GPHN: variants seen among roughly 807,000 people sequenced by gnomAD.
GPHN encodes the protein gephyrin.
In GPHN, 17 loss-of-function variants were observed where a neutral mutation model predicts 95.5. That is an observed-to-expected ratio of 0.18 (90% confidence interval 0.12 to 0.27). The LOEUF (loss-of-function observed/expected upper bound fraction) is 0.27, where lower values mean the gene tolerates loss of function less well. Ranked by LOEUF, GPHN falls within the 10% of genes least tolerant of loss-of-function variation. The probability of loss-of-function intolerance (pLI) is 1.00; values close to 1 mark genes in which losing one functional copy is unlikely to be tolerated. For missense variants in GPHN, 660 were observed against 978.1 expected (o/e 0.67, Z 4.34); for synonymous variants, 320 against 322.5 (o/e 0.99, Z 0.08).
At chr14:67,631,612 T>G in the GPHN span, among the ~76,000 whole-genome samples, 1 of 151,976 alleles carries the variant, frequency 6.6e-6, no homozygotes, top group African/African-American at 2.4e-5. Context: ...CTTATTTATT[T>G]TTAGATACAG....
chr14:67,385,716 C>T, the GPHN span: 1 of 136,272 alleles, frequency 7.3e-6, no homozygotes. Flanking sequence ...GTCTCGAAAT[C>T]CTGGGCTCAA....
At chr14:67,461,490 G>A in the GPHN span, among the ~76,000 whole-genome samples, 2 of 152,112 alleles carry the variant, frequency 1.3e-5, no homozygotes, top group Non-Finnish European at 2.9e-5. Context: ...TATGAACCTG[G>A]AGCAATCTAG....
Position 66,645,690 on chromosome 14 carries a change from T to TA in GPHN, c.65-35417_65-35416insA, listed in dbSNP as rs1307778581. Among the ~76,000 whole-genome samples the TA allele has an allele frequency of 1.4e-3, 140 of 101,804 alleles. 2 individuals are homozygous for TA. Among genetic ancestry groups the TA allele is most frequent in the African/African-American group, 6.0e-3 (97 of 16,232 alleles). 66.8% of individuals were successfully genotyped at this position (101,804 alleles called of 152,430 possible). On this transcript the variant is annotated intron_variant, in intron 1 of 22. Transcript: ENST00000478722. Reference sequence around the variant, plus strand: ...TTGGGCGACAGAGTGAGACTCCATTTCAAAAAAAAAAAAAAAGAAAATTTT... The same window carrying TA: ...TTGGGCGACAGAGTGAGACTCCATTTACAAAAAAAAAAAAAAAGAAAATTTT...
intron 10 of GPHN, among the ~76,000 whole-genome samples, chr14:67,031,628 A>G (rs2074202146): frequency 6.6e-6 from 1 of 152,178 alleles, no homozygotes. Flanking sequence ...AAAATATTTT[A>G]GAGATTGTAT....
At chr14:66,523,057 C>T (rs904840441) in intron 1 of GPHN, among the ~76,000 whole-genome samples, 2 of 152,066 alleles carry the variant, frequency 1.3e-5, no homozygotes, top group Non-Finnish European at 2.9e-5. Flanking sequence ...GAACATGCCT[C>T]ATGTTTACCA....
At chr14:66,541,348 T>C (rs2059346217) in intron 1 of GPHN, among the ~76,000 whole-genome samples, 3 of 152,264 alleles carry the variant, frequency 2.0e-5, no homozygotes, top group African/African-American at 2.4e-5. Flanking sequence ...AATTCTAAGA[T>C]TTTGTAAAGG....
chr14:67,193,628 T>TAG, the GPHN span, among the ~76,000 whole-genome samples: 1 of 146,648 alleles, frequency 6.8e-6, no homozygotes, highest in Non-Finnish European at 1.5e-5. Context: ...AATATATCTA[T>TAG]CTATATAGAT....
At chr14:66,892,136 G>C (rs2064545481) in intron 5 of GPHN, among the ~76,000 whole-genome samples, 1 of 152,146 alleles carries the variant, frequency 6.6e-6, no homozygotes, top group Non-Finnish European at 1.5e-5. Context: ...AGAATTGAAA[G>C]CAGGGGCTGG....
the GPHN span, among the ~76,000 whole-genome samples, chr14:67,450,418 G>T: frequency 6.6e-6 from 1 of 152,158 alleles, no homozygotes; most frequent in Non-Finnish European, 1.5e-5. Context: ...GAAAAATGAG[G>T]GAAAGTTTGG....
At chr14:67,495,255 C>T in the GPHN span, among the ~76,000 whole-genome samples, 1 of 152,120 alleles carries the variant, frequency 6.6e-6, no homozygotes, top group East Asian at 1.9e-4. Flanking sequence ...AACATTTCCT[C>T]TTCCAATTTG....
intron 3 of GPHN, among the ~76,000 whole-genome samples, chr14:66,778,187 A>G (rs1246363115): frequency 1.3e-5 from 2 of 152,140 alleles, no homozygotes; most frequent in South Asian, 2.1e-4. Flanking sequence ...ATAACAGACA[A>G]ACAGAGAGCC....
chr14:66,618,455 C>T (rs2063144128), intron 1 of GPHN, among the ~76,000 whole-genome samples: 1 of 152,082 alleles, frequency 6.6e-6, no homozygotes, highest in African/African-American at 2.4e-5. Context: ...ATAGTTTTAT[C>T]CATCAGTCTG....
At chr14:66,570,191 C>T (rs2060626413) in intron 1 of GPHN, among the ~76,000 whole-genome samples, 1 of 151,794 alleles carries the variant, frequency 6.6e-6, no homozygotes, top group Non-Finnish European at 1.5e-5. Context: ...ATCCATTCAC[C>T]CATTGATGGA....
intron 9 of GPHN, among the ~76,000 whole-genome samples, chr14:66,984,681 A>G (rs1294655538): frequency 6.6e-6 from 1 of 152,178 alleles, no homozygotes; most frequent in Non-Finnish European, 1.5e-5. Flanking sequence ...GAAGACTTTA[A>G]CTGGGAACTT....
chr14:67,353,430 G>C, the GPHN span, among the ~76,000 whole-genome samples: 22 of 152,244 alleles, frequency 1.4e-4, no homozygotes, highest in African/African-American at 5.3e-4. Context: ...AGGATCCCTT[G>C]AGCCTGGGAG....
intron 6 of GPHN, among the ~76,000 whole-genome samples, chr14:66,921,742 C>T (rs554153886): frequency 5.9e-5 from 9 of 151,864 alleles, no homozygotes; most frequent in African/African-American, 2.2e-4. Flanking sequence ...AAAAAGAGCC[C>T]GCATAGCCAA....
the GPHN span, chr14:67,727,565 C>T: frequency 1.0e-5 from 3 of 288,024 alleles, no homozygotes; most frequent in African/African-American, 6.7e-5. Flanking sequence ...TCACTGCGAC[C>T]TCTGCCTCCT....
the GPHN span, among the ~76,000 whole-genome samples, chr14:67,367,555 T>G: frequency 2.0e-5 from 3 of 152,230 alleles, no homozygotes; most frequent in African/African-American, 7.2e-5. Context: ...GTGCTAAGTG[T>G]TCTACACTTG....
chr14:67,547,296 C>T, the GPHN span, among the ~76,000 whole-genome samples: 1 of 152,164 alleles, frequency 6.6e-6, no homozygotes, highest in Admixed American at 6.5e-5. Flanking sequence ...GACCTCTTGG[C>T]AGGAAATCTT....
Sources: gnomAD v4.1 joint callset for allele counts (sites outside exome capture counted in the v4.1 genomes callset) on GRCh38, gnomAD v4.1.1 for gene constraint, MANE v1.5 for transcripts, NCBI Gene and HGNC (gene_info 2026-07-23, HGNC 2026-07-21) for gene names.